SLCO1A2: variants seen among roughly 807,000 people sequenced by gnomAD.
The protein encoded by SLCO1A2 is solute carrier organic anion transporter family member 1A2, also known as OATP-1.
Under a neutral mutation model 69.0 loss-of-function variants are expected in SLCO1A2, and 67 were observed. The observed-to-expected ratio is 0.97, with a 90% confidence interval of 0.80 to 1.19. SLCO1A2 has a LOEUF of 1.19. Among genes scored for constraint, SLCO1A2 ranks in the 50% most tolerant of loss-of-function variants. The pLI is 0.00. For missense variants in SLCO1A2, 787 were observed against 793.7 expected, an observed-to-expected ratio of 0.99 and a Z score of 0.10; for synonymous variants, 260 against 265.9, an observed-to-expected ratio of 0.98 and a Z score of 0.22.
At chr12:21,407,032 C>G (rs1050666310) in intron 1 of SLCO1A2, among the ~76,000 whole-genome samples, 1 of 152,134 alleles carries the variant, frequency 6.6e-6, no homozygotes, top group Non-Finnish European at 1.5e-5. Flanking sequence ...CTCCTTGTTT[C>G]ACTTTTTCAT....
chr12:21,293,919 A>G, intron 11 of SLCO1A2, 26 bp downstream of exon 11: 1 of 1,579,712 alleles, frequency 6.3e-7, no homozygotes, highest in Non-Finnish European at 8.6e-7. Context: ...CAACTCAAAA[A>G]AGTTCTGTCA....
At chr12:21,364,033 C>T (rs973026752) in intron 2 of SLCO1A2, among the ~76,000 whole-genome samples, 3 of 152,172 alleles carry the variant, frequency 2.0e-5, no homozygotes, top group Middle Eastern at 3.2e-3. Flanking sequence ...GGGAATCCTC[C>T]CTCAGTCATT....
At chr12:21,307,799 A>G (rs562467065) in intron 4 of SLCO1A2, among the ~76,000 whole-genome samples, 30 of 152,336 alleles carry the variant, frequency 2.0e-4, no homozygotes, top group African/African-American at 7.2e-4. Context: ...TCTGAGTTCT[A>G]CAAAAGCTAG....
At chr12:21,299,298 G>A (rs550802124) in intron 8 of SLCO1A2, among the ~76,000 whole-genome samples, 2 of 152,100 alleles carry the variant, frequency 1.3e-5, no homozygotes, top group Non-Finnish European at 2.9e-5. Flanking sequence ...AAATACTTAG[G>A]CTATCTTAGT....
At chr12:21,418,731 A>G (rs1942029413), upstream of SLCO1A2, among the ~76,000 whole-genome samples, 1 of 152,078 alleles carries the variant, frequency 6.6e-6, no homozygotes, top group Non-Finnish European at 1.5e-5. Context: ...TCAAGATGAG[A>G]TTTGGATGCA....
At chr12:21,314,439 A>C in intron 4 of SLCO1A2, 110 bp downstream of exon 4, 1 of 1,171,086 alleles carries the variant, frequency 8.5e-7, no homozygotes. Flanking sequence ...TCCCCTTCCC[A>C]TTACAGTGCC....
intron 1 of SLCO1A2, among the ~76,000 whole-genome samples, chr12:21,384,667 CA>C: frequency 6.6e-6 from 1 of 151,528 alleles, no homozygotes; most frequent in Non-Finnish European, 1.5e-5. Context: ...ACATAGATAA[CA>C]AACTGCATTA....
chr12:21,319,416 T>A (rs1299080928), intron 2 of SLCO1A2: 2 of 1,367,918 alleles, frequency 1.5e-6, no homozygotes, highest in Admixed American at 3.8e-5. Context: ...CAATTCTTGG[T>A]CAGAAACATT....
intron 2 of SLCO1A2, among the ~76,000 whole-genome samples, chr12:21,320,753 C>T (rs1316043949): frequency 6.6e-6 from 1 of 152,178 alleles, no homozygotes; most frequent in African/African-American, 2.4e-5. Context: ...CCCACCTTGG[C>T]CTCCCAAAGT....
At chr12:21,357,862 T>C (rs1938496669) in intron 2 of SLCO1A2, among the ~76,000 whole-genome samples, 1 of 152,182 alleles carries the variant, frequency 6.6e-6, no homozygotes, top group Admixed American at 6.5e-5. Flanking sequence ...TGTTCTTGCT[T>C]AAGAAAATTT....
chr12:21,313,470 G>T (rs1950470834), intron 4 of SLCO1A2, among the ~76,000 whole-genome samples: 1 of 152,186 alleles, frequency 6.6e-6, no homozygotes, highest in Non-Finnish European at 1.5e-5. Flanking sequence ...CCCGCACTTT[G>T]AGAGGCCGAG....
At chr12:21,386,426 C>T (rs1380579283) in intron 1 of SLCO1A2, among the ~76,000 whole-genome samples, 2 of 152,046 alleles carry the variant, frequency 1.3e-5, no homozygotes, top group South Asian at 4.2e-4. Context: ...CCACATATTG[C>T]GGGAGGGGCC....
chr12:21,418,521 G>C (rs867858640), upstream of SLCO1A2, among the ~76,000 whole-genome samples: 22 of 152,274 alleles, frequency 1.4e-4, no homozygotes, highest in Middle Eastern at 0.01. Context: ...TAATCATGAT[G>C]GAAGGCAAAA....
At chr12:21,343,276 G>A (rs556993622) in intron 2 of SLCO1A2, among the ~76,000 whole-genome samples, 21 of 152,168 alleles carry the variant, frequency 1.4e-4, no homozygotes, top group African/African-American at 4.6e-4. Flanking sequence ...AATATTCCCA[G>A]TCCTATGATC....
At chr12:21,324,223 C>T (rs545251586) in intron 2 of SLCO1A2, among the ~76,000 whole-genome samples, 72 of 152,294 alleles carry the variant, frequency 4.7e-4, no homozygotes, top group Non-Finnish European at 8.8e-4. Context: ...ATGATTCAAT[C>T]TGCATTCAAA....
intron 2 of SLCO1A2, among the ~76,000 whole-genome samples, chr12:21,356,153 C>T (rs916899990): frequency 4.6e-5 from 7 of 151,984 alleles, no homozygotes; most frequent in Non-Finnish European, 1.0e-4. Flanking sequence ...GAGTATGTTA[C>T]TACCGTCTCT....
intron 1 of SLCO1A2, among the ~76,000 whole-genome samples, chr12:21,417,238 C>A (rs1942002954): frequency 6.6e-6 from 1 of 151,100 alleles, no homozygotes; most frequent in Non-Finnish European, 1.5e-5. Flanking sequence ...GTAATTATAC[C>A]ACAATATATG....
At chr12:21,278,209 G>T (rs1437237360) in intron 12 of SLCO1A2, among the ~76,000 whole-genome samples, 6 of 152,128 alleles carry the variant, frequency 3.9e-5, no homozygotes, top group African/African-American at 1.2e-4. Flanking sequence ...CATAGTCTGA[G>T]TGCCACCTCA....
At chr12:21,378,661 T>C (rs750457021) in intron 1 of SLCO1A2, 71 of 457,756 alleles carry the variant, frequency 1.6e-4, no homozygotes, top group Non-Finnish European at 2.6e-4. Context: ...TTTTAAAACA[T>C]AAGAACGTCA....
Sources: allele counts gnomAD v4.1 joint callset (sites outside exome capture counted in the v4.1 genomes callset), GRCh38; gene constraint gnomAD v4.1.1; transcripts MANE v1.5; gene names NCBI Gene and HGNC (gene_info 2026-07-23, HGNC 2026-07-21).